Variants in LYRM4 observed in about 807,000 individuals in gnomAD.
LYRM4 encodes the protein LYR motif containing 4, also known as LYR motif-containing protein 4.
A neutral mutation model predicts 11.7 loss-of-function variants in LYRM4; 9 were observed. That is an observed-to-expected ratio of 0.77 (90% CI 0.46 to 1.34). The LOEUF (loss-of-function observed/expected upper bound fraction) is 1.34. Ranked by LOEUF, LYRM4 falls within the 40% of genes most tolerant of loss-of-function variation. The pLI, the probability that LYRM4 is intolerant of heterozygous loss-of-function variation, is 0.00. For missense variants in LYRM4, 133 were observed against 112.5 expected (o/e 1.18, Z -0.82); for synonymous variants, 42 against 40.4 (o/e 1.04, Z -0.15).
the LYRM4 span, among the ~76,000 whole-genome samples, chr6:5,052,728 G>T: frequency 6.6e-6 from 1 of 152,148 alleles, no homozygotes; most frequent in Admixed American, 6.5e-5. Flanking sequence ...TTATATAATA[G>T]TTAATTTTAT....
At chr6:5,097,880 G>A in the LYRM4 span, among the ~76,000 whole-genome samples, 1 of 152,194 alleles carries the variant, frequency 6.6e-6, no homozygotes, top group Non-Finnish European at 1.5e-5. Flanking sequence ...CATACACTGC[G>A]TTTCCTTACA....
intron 2 of LYRM4, among the ~76,000 whole-genome samples, chr6:5,129,530 A>T (rs1561815768): frequency 6.6e-6 from 1 of 152,116 alleles, no homozygotes; most frequent in Non-Finnish European, 1.5e-5. Context: ...CTCTCTGTGC[A>T]ATCAAACCTC....
chr6:5,213,708 A>AT (rs998794583), intron 2 of LYRM4, among the ~76,000 whole-genome samples: 8 of 152,122 alleles, frequency 5.3e-5, no homozygotes, highest in African/African-American at 1.9e-4. Context: ...AGACACCCTG[A>AT]TTTTGGTGGT....
chr6:5,210,388 A>C (rs554819712), intron 2 of LYRM4, among the ~76,000 whole-genome samples: 1 of 152,282 alleles, frequency 6.6e-6, no homozygotes, highest in Non-Finnish European at 1.5e-5. Flanking sequence ...CACTAGTTCA[A>C]GCTTCAAATG....
chr6:5,159,667 T>A (rs1349166436), intron 2 of LYRM4, among the ~76,000 whole-genome samples: 2 of 152,238 alleles, frequency 1.3e-5, no homozygotes, highest in Non-Finnish European at 2.9e-5. Context: ...GGTCTTTCAA[T>A]CTTGACATTC....
At chr6:5,141,563 C>T (rs193181068) in intron 2 of LYRM4, among the ~76,000 whole-genome samples, 5 of 152,280 alleles carry the variant, frequency 3.3e-5, no homozygotes, top group Admixed American at 3.3e-4. Flanking sequence ...AAAACGCATA[C>T]TAACATCAAA....
intron 2 of LYRM4, among the ~76,000 whole-genome samples, chr6:5,110,622 T>C (rs1366276595): frequency 6.6e-6 from 1 of 152,020 alleles, no homozygotes; most frequent in East Asian, 1.9e-4. Flanking sequence ...GAACGAGAAG[T>C]AGACAGTGGA....
chr6:5,120,094 G>T (rs1763358400), intron 2 of LYRM4, among the ~76,000 whole-genome samples: 1 of 151,926 alleles, frequency 6.6e-6, no homozygotes, highest in African/African-American at 2.4e-5. Flanking sequence ...ATGGGGTTTT[G>T]CCATATTGGC....
At chr6:5,101,778 C>T (rs191389374), downstream of LYRM4, among the ~76,000 whole-genome samples, 192 of 152,076 alleles carry the variant, frequency 1.3e-3, 1 homozygote, top group African/African-American at 4.5e-3. Flanking sequence ...TTTCACCATC[C>T]TCAAAACTAC....
At chr6:5,098,683 G>A (rs760996373), downstream of LYRM4, among the ~76,000 whole-genome samples, 1 of 152,154 alleles carries the variant, frequency 6.6e-6, no homozygotes. Flanking sequence ...GGGCAGAACC[G>A]GGTGAGGGAG....
At chr6:5,180,243 C>T (rs1759989436) in intron 2 of LYRM4, among the ~76,000 whole-genome samples, 1 of 152,192 alleles carries the variant, frequency 6.6e-6, no homozygotes, top group Non-Finnish European at 1.5e-5. Context: ...AGCAGCCGTT[C>T]CCCGGGGCTA....
intron 2 of LYRM4, among the ~76,000 whole-genome samples, chr6:5,171,306 T>A (rs1206509929): frequency 6.6e-6 from 1 of 152,120 alleles, no homozygotes; most frequent in Non-Finnish European, 1.5e-5. Context: ...ACCCTAACTC[T>A]CCTTTCCTGT....
At chr6:5,074,396 A>ACTT in the LYRM4 span, among the ~76,000 whole-genome samples, 2 of 93,982 alleles carry the variant, frequency 2.1e-5, no homozygotes, top group Non-Finnish European at 4.1e-5. Flanking sequence ...AAGCACAGGT[A>ACTT]CTTTTTTTTT....
intron 2 of LYRM4, among the ~76,000 whole-genome samples, chr6:5,179,065 C>CAAA (rs58749743): frequency 1.3e-4 from 14 of 103,906 alleles, no homozygotes; most frequent in African/African-American, 2.4e-4. Flanking sequence ...ACCAAAAAAA[C>CAAA]AAAAAAAAAA....
chr6:5,205,556 G>A (rs1382818674), intron 2 of LYRM4, among the ~76,000 whole-genome samples: 1 of 152,114 alleles, frequency 6.6e-6, no homozygotes, highest in African/African-American at 2.4e-5. Flanking sequence ...AACAGGCTGA[G>A]TTTCAAAAAT....
At chr6:5,200,871 T>A (rs2127704594) in intron 2 of LYRM4, among the ~76,000 whole-genome samples, 1 of 152,330 alleles carries the variant, frequency 6.6e-6, no homozygotes, top group African/African-American at 2.4e-5. Flanking sequence ...TGATAACCAC[T>A]GGTATAAGGT....
At chr6:5,170,284 A>G (rs895186752) in intron 2 of LYRM4, among the ~76,000 whole-genome samples, 3 of 152,220 alleles carry the variant, frequency 2.0e-5, no homozygotes, top group East Asian at 3.8e-4. Context: ...AAAACCAATC[A>G]TTAGGAAATA....
At chr6:5,085,628 C>T in the LYRM4 span, 1 of 1,548,472 alleles carries the variant, frequency 6.5e-7, no homozygotes, top group Non-Finnish European at 8.7e-7. Flanking sequence ...TCGGAGACCC[C>T]GAGTCCTGAC....
the LYRM4 span, among the ~76,000 whole-genome samples, chr6:5,080,825 A>G: frequency 1.3e-5 from 2 of 152,118 alleles, no homozygotes; most frequent in Non-Finnish European, 2.9e-5. Context: ...CAATGACTTC[A>G]ACTGAATTGT....
Sources: gnomAD v4.1 joint callset for allele counts (sites outside exome capture counted in the v4.1 genomes callset) on GRCh38, gnomAD v4.1.1 for gene constraint, MANE v1.5 for transcripts, NCBI Gene and HGNC (gene_info 2026-07-23, HGNC 2026-07-21) for gene names.